Variants in HMGCLL1 observed in about 807,000 individuals in gnomAD.
The protein encoded by HMGCLL1 is 3-hydroxy-3-methylglutaryl-CoA lyase like 1.
A neutral mutation model predicts 39.1 loss-of-function variants in HMGCLL1; 36 were observed. The observed-to-expected ratio is 0.92, with a 90% CI of 0.71 to 1.22. The LOEUF is 1.22. Among genes scored for constraint, HMGCLL1 ranks in the 50% most tolerant of loss-of-function variants. The pLI is 0.00. For synonymous variants in HMGCLL1, 149 were observed against 144.0 expected, an observed-to-expected ratio of 1.03 and a Z score of -0.25; for missense variants, 451 against 416.5, an observed-to-expected ratio of 1.08 and a Z score of -0.72.
chr6:55,622,157 C>T, the HMGCLL1 span, among the ~76,000 whole-genome samples: 2 of 151,880 alleles, frequency 1.3e-5, no homozygotes, highest in Non-Finnish European at 2.9e-5. Context: ...TTTATGAGTT[C>T]TAATATGTTT....
At chr6:55,566,760 G>A (rs373227973) in intron 1 of HMGCLL1, 12 of 348,242 alleles carry the variant, frequency 3.4e-5, no homozygotes, top group African/African-American at 2.3e-4. Context: ...GCCAAGAAAA[G>A]GAACAAATAG....
chr6:55,496,069 A>T (rs1766559051), intron 6 of HMGCLL1, among the ~76,000 whole-genome samples: 1 of 152,070 alleles, frequency 6.6e-6, no homozygotes, highest in Non-Finnish European at 1.5e-5. Context: ...CACTACATAT[A>T]TATACAGCTG....
chr6:55,539,773 T>C (rs1029059301), intron 3 of HMGCLL1, among the ~76,000 whole-genome samples: 1 of 148,450 alleles, frequency 6.7e-6, no homozygotes, highest in African/African-American at 2.5e-5. Flanking sequence ...ACCTAAGTGA[T>C]TAAATAATCT....
the HMGCLL1 span, among the ~76,000 whole-genome samples, chr6:55,594,618 T>C: frequency 3.3e-5 from 5 of 152,164 alleles, no homozygotes; most frequent in Non-Finnish European, 7.3e-5. Flanking sequence ...TATTCCCCTT[T>C]CAAGTAGAGC....
At chr6:55,626,699 T>A in the HMGCLL1 span, among the ~76,000 whole-genome samples, 1 of 151,988 alleles carries the variant, frequency 6.6e-6, no homozygotes, top group African/African-American at 2.4e-5. Context: ...CTGGCCTAAG[T>A]TCCAGAGACA....
chr6:55,553,481 G>A lies in HMGCLL1; in HGVS notation c.109-11341C>T, dbSNP rs1186961873. Among the ~76,000 whole-genome samples, 3 of 151,948 alleles carry A rather than the reference G, an allele frequency of 2.0e-5. No individual in the cohort carries two copies. In the East Asian group the frequency reaches 5.8e-4, roughly 30 times the overall value. On this transcript the variant is annotated intron_variant, in intron 1 of 8. Coordinates refer to ENST00000274901, the MANE Select transcript of HMGCLL1 (RefSeq NM_001042406.2). ...GGTATAGTAGGGCATCCAGACTGGT[G>A]ATGAAAAACTCTAGAGACAAACAAT...
intron 7 of HMGCLL1, among the ~76,000 whole-genome samples, chr6:55,444,530 G>A (rs1763733564): frequency 6.6e-6 from 1 of 151,966 alleles, no homozygotes; most frequent in African/African-American, 2.4e-5. Context: ...TTAACTGCAT[G>A]ATTAAGGGAA....
At chr6:55,546,106 A>G (rs1475917631) in intron 1 of HMGCLL1, among the ~76,000 whole-genome samples, 1 of 152,160 alleles carries the variant, frequency 6.6e-6, no homozygotes, top group African/African-American at 2.4e-5. Flanking sequence ...AAGAAAGGCA[A>G]TCAGTGCCTT....
chr6:55,481,236 A>G (rs1445602772), intron 7 of HMGCLL1, among the ~76,000 whole-genome samples: 1 of 151,834 alleles, frequency 6.6e-6, no homozygotes, highest in Non-Finnish European at 1.5e-5. Flanking sequence ...AAAATTATCT[A>G]GGTATGGTTT....
intron 3 of HMGCLL1, among the ~76,000 whole-genome samples, chr6:55,531,762 T>C (rs1247263841): frequency 6.6e-6 from 1 of 152,124 alleles, no homozygotes; most frequent in East Asian, 1.9e-4. Context: ...GATCAGCAGC[T>C]GCATTAGATT....
intron 1 of HMGCLL1, among the ~76,000 whole-genome samples, chr6:55,564,542 A>T (rs1771120582): frequency 6.6e-6 from 1 of 152,152 alleles, no homozygotes; most frequent in South Asian, 2.1e-4. Context: ...TCTTATAAAC[A>T]AGATTAAATA....
chr6:55,606,215 T>G, the HMGCLL1 span, among the ~76,000 whole-genome samples: 104 of 152,230 alleles, frequency 6.8e-4, no homozygotes, highest in Middle Eastern at 6.8e-3. Flanking sequence ...ATAAAAAAAT[T>G]TGGTGAAAGG....
chr6:55,659,997 G>A, the HMGCLL1 span, among the ~76,000 whole-genome samples: 2 of 151,734 alleles, frequency 1.3e-5, no homozygotes, highest in Admixed American at 1.3e-4. Flanking sequence ...TGAGATAGAG[G>A]TGTCCAGTGG....
intron 3 of HMGCLL1, among the ~76,000 whole-genome samples, chr6:55,527,736 A>T (rs1418864750): frequency 6.6e-6 from 1 of 152,022 alleles, no homozygotes; most frequent in Non-Finnish European, 1.5e-5. Context: ...AGTTTTACCC[A>T]TGACAAAAAA....
intron 7 of HMGCLL1, among the ~76,000 whole-genome samples, chr6:55,473,088 G>A (rs1035431278): frequency 6.6e-6 from 1 of 151,194 alleles, no homozygotes; most frequent in Non-Finnish European, 1.5e-5. Context: ...GTGTTAGTAT[G>A]TCATGTATAC....
the HMGCLL1 span, among the ~76,000 whole-genome samples, chr6:55,628,185 A>ATATAGTATATATACTAT: frequency 1.1e-4 from 8 of 75,848 alleles, no homozygotes; most frequent in Admixed American, 9.6e-4. Flanking sequence ...CTATATATAT[A>ATATAGTATATATACTAT]ATATATATAT....
At chr6:55,515,643 T>G (rs1767699228) in intron 4 of HMGCLL1, among the ~76,000 whole-genome samples, 2 of 152,060 alleles carry the variant, frequency 1.3e-5, no homozygotes, top group Admixed American at 6.6e-5. Context: ...AACATGAGAG[T>G]GTCCTTTCAG....
At chr6:55,635,444 T>C in the HMGCLL1 span, among the ~76,000 whole-genome samples, 2 of 151,770 alleles carry the variant, frequency 1.3e-5, no homozygotes, top group African/African-American at 2.4e-5. Context: ...AAAAAAAAAA[T>C]TCTTTTATTT....
chr6:55,589,464 T>A, the HMGCLL1 span, among the ~76,000 whole-genome samples: 1 of 152,140 alleles, frequency 6.6e-6, no homozygotes, highest in Non-Finnish European at 1.5e-5. Flanking sequence ...TGGGAAAAAC[T>A]GGAAGCATTC....
Sources: gnomAD v4.1 joint callset for allele counts (sites outside exome capture counted in the v4.1 genomes callset) on GRCh38, gnomAD v4.1.1 for gene constraint, MANE v1.5 for transcripts, NCBI Gene and HGNC (gene_info 2026-07-23, HGNC 2026-07-21) for gene names.